NCOA1: variants seen among roughly 807,000 people sequenced by gnomAD.
NCOA1 encodes the protein nuclear receptor coactivator 1.
NCOA1 carries 35 observed loss-of-function variants against 150.9 expected under a neutral mutation model. The observed-to-expected ratio is 0.23, with a 90% CI of 0.18 to 0.31. NCOA1 has a LOEUF of 0.31. Among genes scored for constraint, NCOA1 ranks in the 10% least tolerant of loss-of-function variants. NCOA1 has a pLI of 1.00. For missense variants in NCOA1, 1,491 were observed against 1,749.3 expected (o/e 0.85, Z 2.63); for synonymous variants, 590 against 630.0 (o/e 0.94, Z 0.95).
intron 3 of NCOA1, among the ~76,000 whole-genome samples, chr2:24,587,320 G>T (rs1667456011): frequency 6.6e-6 from 1 of 151,930 alleles, no homozygotes; most frequent in Non-Finnish European, 1.5e-5. Context: ...CTTCATATTG[G>T]TTATTCTTCA....
At chr2:24,688,535 G>A (rs544813939) in intron 8 of NCOA1, among the ~76,000 whole-genome samples, 2 of 152,164 alleles carry the variant, frequency 1.3e-5, no homozygotes, top group East Asian at 1.9e-4. Flanking sequence ...ATGCTTGTTG[G>A]CCATATGTGT....
At chr2:24,680,329 A>G (rs56401087) in intron 7 of NCOA1, among the ~76,000 whole-genome samples, 8,795 of 152,222 alleles carry the variant, frequency 0.058, 343 homozygotes, top group Non-Finnish European at 0.081. Context: ...GCATCAACCT[A>G]AGTGTCCAAA....
intron 5 of NCOA1, among the ~76,000 whole-genome samples, chr2:24,662,028 A>G (rs190524009): frequency 6.6e-6 from 1 of 152,230 alleles, no homozygotes; most frequent in Middle Eastern, 3.2e-3. Context: ...TTATAACTGA[A>G]ATATGGGCTT....
chr2:24,652,751 C>G (rs1670765565), intron 4 of NCOA1, among the ~76,000 whole-genome samples: 1 of 152,106 alleles, frequency 6.6e-6, no homozygotes, highest in Non-Finnish European at 1.5e-5. Flanking sequence ...TATAATTTAG[C>G]AACTCTTTTT....
chr2:24,596,945 A>G (rs1667909302), intron 3 of NCOA1, among the ~76,000 whole-genome samples: 1 of 152,198 alleles, frequency 6.6e-6, no homozygotes, highest in Admixed American at 6.5e-5. Context: ...TCTAAATCCT[A>G]TTTTAAGATT....
intron 20 of NCOA1, among the ~76,000 whole-genome samples, chr2:24,754,985 TG>T (rs55778396): frequency 6.6e-6 from 1 of 152,348 alleles, no homozygotes; most frequent in Non-Finnish European, 1.5e-5. Context: ...CACTCACACT[TG>T]CTCATTTGGT....
intron 20 of NCOA1, among the ~76,000 whole-genome samples, chr2:24,755,137 C>T (rs992145633): frequency 2.6e-5 from 4 of 152,184 alleles, no homozygotes; most frequent in Admixed American, 6.5e-5. Flanking sequence ...TGCCAAATAA[C>T]GAAGAGTCTA....
rs145705009 is a variant in NCOA1 at position 24,711,081 on chromosome 2, G to A, written c.2569G>A (p.Ala857Thr). The part of the protein sequence containing the change: ...SEILPASLQS[A>T]TARPTSRLNR... The stretch of plus-strand genomic sequence containing the variant: ...GATCCTGCCAGCTTCACTTCAGTCC[G>A]CCACTGCCAGACCCACTTCCAGGCT... The change falls in exon 14 of 23, where the codon GCC (alanine) becomes ACC (threonine). Residue 857 changes from alanine (A) to threonine (T), a missense_variant. This residue lies in a region of NCOA1 where 703 missense variants were observed against 717.7 expected (regional missense o/e 0.98). Transcript: ENST00000348332. 5.3e-4 allele frequency: 852 copies of A among 1,613,928 alleles called. No individual in the cohort carries two copies. Among genetic ancestry groups the A allele is most frequent in the Non-Finnish European group, 6.4e-4 (761 of 1,179,932 alleles).
chr2:24,684,750 AG>A (rs2148544733), intron 8 of NCOA1, among the ~76,000 whole-genome samples: 1 of 152,320 alleles, frequency 6.6e-6, no homozygotes, highest in East Asian at 1.9e-4. Context: ...AGATAGGGCA[AG>A]CTCAGTAATA....
intron 2 of NCOA1, among the ~76,000 whole-genome samples, chr2:24,569,607 C>T (rs1253840682): frequency 1.7e-5 from 2 of 118,994 alleles, no homozygotes; most frequent in Non-Finnish European, 3.2e-5. Flanking sequence ...TACGGTAGCT[C>T]AGGCCTGTAA....
intron 2 of NCOA1, among the ~76,000 whole-genome samples, chr2:24,569,552 ATT>A (rs200639064): frequency 0.14 from 13,416 of 93,198 alleles, 830 homozygotes; most frequent in Non-Finnish European, 0.19. Context: ...GGTTTTATTA[ATT>A]TTTTTTTTTT....
chr2:24,762,336 T>A (rs1664830859), intron 21 of NCOA1, among the ~76,000 whole-genome samples: 1 of 152,228 alleles, frequency 6.6e-6, no homozygotes, highest in South Asian at 2.1e-4. Flanking sequence ...CTACCACTAA[T>A]TAACATATGT....
chr2:24,580,942 C>T (rs377640494), intron 2 of NCOA1, among the ~76,000 whole-genome samples: 2 of 152,166 alleles, frequency 1.3e-5, no homozygotes, highest in Non-Finnish European at 2.9e-5. Context: ...TCTGGCCCTG[C>T]CCCCGCATGA....
chr2:24,644,148 A>C (rs954948191), intron 4 of NCOA1, 26 bp downstream of exon 4: 20 of 152,200 alleles, frequency 1.3e-4, no homozygotes, highest in Admixed American at 4.6e-4. Context: ...CTATTTTTAA[A>C]GAGCTTTGTC....
intron 1 of NCOA1, among the ~76,000 whole-genome samples, chr2:24,561,921 G>A (rs935386682): frequency 6.6e-6 from 1 of 152,052 alleles, no homozygotes; most frequent in East Asian, 1.9e-4. Flanking sequence ...GTAAACCAAG[G>A]GATGATGAGA....
Position 24,630,578 on chromosome 2 carries a change from G to T in NCOA1, c.-174-13388G>T, listed in dbSNP as rs560871649. Among the ~76,000 whole-genome samples the T allele has an allele frequency of 2.0e-5, 3 of 152,222 alleles. No homozygotes were observed. The South Asian group carries it at 6.2e-4, about 32-fold the overall frequency. On this transcript the variant is annotated intron_variant, in intron 3 of 22. Transcript: ENST00000348332. ...GTGGAATTCTTGCCACTTACTAATG[G>T]TGCTCAGATATATTACTTGGAATTC...
chr2:24,752,748 T>G (rs554197121), intron 20 of NCOA1, among the ~76,000 whole-genome samples: 1 of 152,358 alleles, frequency 6.6e-6, no homozygotes, highest in Non-Finnish European at 1.5e-5. Context: ...GCACACAAGT[T>G]TCACTTTTCT....
rs1031023204 is a variant in NCOA1 at position 24,742,241 on chromosome 2, C to G, written c.3706+55C>G. The stretch of plus-strand genomic sequence containing the variant: ...AAGTAATCCATACAGGCTTAGGTCT[C>G]TCTCCATCTTTATGTCTGTGCTTGG... On this transcript the variant is annotated intron_variant, in intron 19 of 22. Coordinates refer to ENST00000348332, the MANE Select transcript of NCOA1 (RefSeq NM_003743.5). 4.6e-6 allele frequency: 7 copies of G among 1,523,982 alleles called. No homozygotes were observed. In the African/African-American group the frequency reaches 6.9e-5, roughly 15 times the overall value. 94.4% of individuals were successfully genotyped at this position (1,523,982 alleles called of 1,614,324 possible). A position where few individuals can be genotyped will look rare whatever the true frequency, so the allele number is the denominator to read the frequency against.
At chr2:24,589,707 A>T (rs772214612) in intron 3 of NCOA1, among the ~76,000 whole-genome samples, 6 of 151,816 alleles carry the variant, frequency 4.0e-5, no homozygotes, top group Non-Finnish European at 8.8e-5. Flanking sequence ...GCCACGTGTC[A>T]GGGAAGTTCC....
Sources: allele counts gnomAD v4.1 joint callset (sites outside exome capture counted in the v4.1 genomes callset), GRCh38; gene constraint gnomAD v4.1.1; regional missense constraint gnomAD v4.1.1; transcripts MANE v1.5; gene names NCBI Gene and HGNC (gene_info 2026-07-23, HGNC 2026-07-21).